Variants in PTPN22 observed in about 807,000 individuals in gnomAD.
PTPN22 encodes the protein protein tyrosine phosphatase non-receptor type 22.
Under a neutral mutation model 103.3 loss-of-function variants are expected in PTPN22, and 85 were observed. The observed-to-expected ratio is 0.82, with a 90% CI of 0.69 to 0.99. PTPN22 has a LOEUF of 0.99. PTPN22 is among the 50% of genes least tolerant of loss of function. The pLI is 0.00. For missense variants in PTPN22, 865 were observed against 936.9 expected, an observed-to-expected ratio of 0.92 and a Z score of 1.00; for synonymous variants, 323 against 310.2, an observed-to-expected ratio of 1.04 and a Z score of -0.43.
At chr1:113,829,846 T>G (rs924742546) in intron 17 of PTPN22, 103 bp downstream of exon 17, 1 of 1,253,814 alleles carries the variant, frequency 8.0e-7, no homozygotes, top group Non-Finnish European at 1.1e-6. Flanking sequence ...TGTATTCTTT[T>G]GTGTAATCAT....
chr1:113,848,601 G>A, exon 11 of PTPN22: 1 of 1,613,350 alleles, frequency 6.2e-7, no homozygotes, highest in Non-Finnish European at 8.5e-7. Context: ...TTCTAATACA[G>A]CATTGTAGAC....
At chr1:113,826,510 A>G (rs1177516016) in intron 18 of PTPN22, among the ~76,000 whole-genome samples, 1 of 152,042 alleles carries the variant, frequency 6.6e-6, no homozygotes, top group Non-Finnish European at 1.5e-5. Flanking sequence ...TTCAGAATCC[A>G]CAATGGCTTC....
chr1:113,849,798 A>G (rs1194918657), intron 10 of PTPN22, among the ~76,000 whole-genome samples: 1 of 152,028 alleles, frequency 6.6e-6, no homozygotes, highest in Non-Finnish European at 1.5e-5. Context: ...TATGTTGCCC[A>G]GGCTGGTTTT....
At chr1:113,863,933 T>TTC (rs1665875941) in intron 1 of PTPN22, among the ~76,000 whole-genome samples, 1 of 147,880 alleles carries the variant, frequency 6.8e-6, no homozygotes, top group Non-Finnish European at 1.5e-5. Flanking sequence ...ATATATTTTT[T>TTC]TTTGACATGG....
At chr1:113,843,878 G>A (rs939287499) in intron 11 of PTPN22, among the ~76,000 whole-genome samples, 3 of 152,066 alleles carry the variant, frequency 2.0e-5, no homozygotes, top group Admixed American at 6.6e-5. Context: ...ATCACTAAGG[G>A]GCTACTCAAA....
chr1:113,851,856 C>T lies in PTPN22; in HGVS notation c.828+171G>A, dbSNP rs148863058. Among the ~76,000 whole-genome samples, 1,405 of 152,238 alleles carry T rather than the reference C, an allele frequency of 9.2e-3. 11 individuals carry two copies. The highest frequency in any genetic ancestry group is 0.011 in the Non-Finnish European group (768 of 68,012). Reference sequence around the variant, plus strand: ...GGAATTTGACCCAGGACAAGGGATACAGGAAAAATATTGGGATATTCAGAG... The same window carrying T: ...GGAATTTGACCCAGGACAAGGGATATAGGAAAAATATTGGGATATTCAGAG... On this transcript the variant is annotated intron_variant, in intron 10 of 20. Coordinates refer to ENST00000359785, the Ensembl canonical transcript of PTPN22.
rs1052883582 is a variant in PTPN22 at position 113,832,698 on chromosome 1, T to C, written c.2053+413A>G. 2.0e-5 allele frequency among the ~76,000 whole-genome samples: 3 copies of C among 152,346 alleles called. No individual in the cohort carries two copies. The South Asian group carries it at 6.2e-4, about 32-fold the overall frequency. Reference sequence around the variant, plus strand: ...AAACAAAGTACCTGGAAGTGCCCAATAAATGTTAGTTTTTGTTCTTCAATG... The same window carrying C: ...AAACAAAGTACCTGGAAGTGCCCAACAAATGTTAGTTTTTGTTCTTCAATG... On this transcript the variant is annotated intron_variant, in intron 16 of 20. Transcript: ENST00000359785.
chr1:113,825,072 T>C (rs1165404088), intron 19 of PTPN22, 70 bp downstream of exon 19: 1 of 1,119,662 alleles, frequency 8.9e-7, no homozygotes, highest in African/African-American at 1.6e-5. Flanking sequence ...TTTCACAATA[T>C]TGGTTGGTTA....
At chr1:113,816,824 G>A (rs748021115) in intron 20 of PTPN22, among the ~76,000 whole-genome samples, 8 of 152,016 alleles carry the variant, frequency 5.3e-5, no homozygotes, top group East Asian at 3.9e-4. Flanking sequence ...CAGGAGAATC[G>A]CTTGAACCCA....
In PTPN22 at chr1:113,871,500, A is replaced by G. The variant is rs754311587; in HGVS notation, c.87+37T>C. ...ACCCCCATAGTCAGTTAAATAGTGT[A>G]TGTAACTACCCTGAGAGGGTCACAT... On this transcript the variant is annotated intron_variant, in intron 1 of 20. Coordinates refer to ENST00000359785, the Ensembl canonical transcript of PTPN22. 12 of 1,572,586 alleles carry G rather than the reference A, an allele frequency of 7.6e-6. No homozygotes were observed. The South Asian group carries it at 7.8e-5, about 10-fold the overall frequency.
rs375697992 is a variant in PTPN22, at chr1:113,859,610, G to A, written c.88-150C>T. 1.6e-5 allele frequency: 10 copies of A among 623,298 alleles called. 1 individual carries two copies. Among genetic ancestry groups the A allele is most frequent in the Middle Eastern group, 4.4e-4 (1 of 2,284 alleles). The allele number at this position is 623,298 out of a possible 1,614,324, so 38.6% of individuals were successfully genotyped here. On this transcript the variant is annotated intron_variant, in intron 1 of 20. Coordinates refer to ENST00000359785, the Ensembl canonical transcript of PTPN22. ...TGACTCCGTTCAGGACAGAGCTGCA[G>A]AGCATAAGGAGACCTGAGTTCAGTG... is the stretch of plus-strand genomic sequence containing the variant.
intron 17 of PTPN22, 84 bp downstream of exon 17, chr1:113,829,865 C>T (rs1376438475): frequency 1.5e-6 from 2 of 1,339,710 alleles, no homozygotes; most frequent in Non-Finnish European, 2.1e-6. Context: ...ATTTTTGTAC[C>T]TTTCCATTTA....
At chr1:113,852,455 T>G (rs2102068020) in intron 9 of PTPN22, among the ~76,000 whole-genome samples, 1 of 152,336 alleles carries the variant, frequency 6.6e-6, no homozygotes, top group Middle Eastern at 3.4e-3. Context: ...ATTTTAAACT[T>G]CCCATTTCCT....
chr1:113,855,116 T>C (rs1432579423), intron 7 of PTPN22, 67 bp from the exon 8 acceptor site: 5 of 1,387,890 alleles, frequency 3.6e-6, no homozygotes, highest in East Asian at 2.3e-5. Context: ...TTGGGTATTA[T>C]GCTCACTACC....
intron 11 of PTPN22, among the ~76,000 whole-genome samples, chr1:113,840,110 C>G (rs911468257): frequency 6.6e-6 from 1 of 151,546 alleles, no homozygotes; most frequent in Non-Finnish European, 1.5e-5. Flanking sequence ...ATTCGGGAGG[C>G]TGAAGCAGGA....
chr1:113,827,036 A>T (rs1453386444), intron 18 of PTPN22, among the ~76,000 whole-genome samples: 1 of 152,168 alleles, frequency 6.6e-6, no homozygotes, highest in Non-Finnish European at 1.5e-5. Flanking sequence ...TTTCTTCAGC[A>T]TGTATGTTTT....
intron 19 of PTPN22, among the ~76,000 whole-genome samples, chr1:113,822,402 T>C (rs2101886130): frequency 6.6e-6 from 1 of 152,314 alleles, no homozygotes; most frequent in African/African-American, 2.4e-5. Flanking sequence ...TGGATTCCCA[T>C]TACACTTAGA....
intron 11 of PTPN22, among the ~76,000 whole-genome samples, chr1:113,841,239 A>AG (rs926547482): frequency 4.6e-5 from 7 of 152,220 alleles, no homozygotes; most frequent in South Asian, 2.1e-4. Context: ...GAAAAAAAAA[A>AG]AGAGAGAGAA....
At chr1:113,863,280 A>G (rs1423199197) in intron 1 of PTPN22, among the ~76,000 whole-genome samples, 2 of 152,138 alleles carry the variant, frequency 1.3e-5, no homozygotes, top group Admixed American at 6.6e-5. Context: ...TTTATTAGAG[A>G]CAGGGTTTTA....
Sources: allele counts gnomAD v4.1 joint callset (sites outside exome capture counted in the v4.1 genomes callset), GRCh38; gene constraint gnomAD v4.1.1; transcripts MANE v1.5; gene names NCBI Gene and HGNC (gene_info 2026-07-23, HGNC 2026-07-21).